Variants in DLG2 observed in about 807,000 individuals in gnomAD.
DLG2 encodes disks large homolog 2.
In DLG2, 45 loss-of-function variants were observed where a neutral mutation model predicts 132.5. The ratio of observed to expected loss-of-function variants is 0.34; its 90% CI spans 0.27 to 0.44. The LOEUF (loss-of-function observed/expected upper bound fraction) is 0.44. Ranked by LOEUF, DLG2 falls within the 20% of genes least tolerant of loss-of-function variation. The pLI is 1.00. For missense variants in DLG2, 1,045 were observed against 1,196.9 expected (o/e 0.87, Z 1.87); for synonymous variants, 424 against 419.6 (o/e 1.01, Z -0.13).
At chr11:84,257,240 A>C (rs920553444) in intron 7 of DLG2, among the ~76,000 whole-genome samples, 2 of 152,050 alleles carry the variant, frequency 1.3e-5, no homozygotes, top group African/African-American at 4.8e-5. Flanking sequence ...TCTCCATTGG[A>C]ACGAAACTCT....
In DLG2 at chr11:85,021,358, C is replaced by T. The variant is rs536735331; in HGVS notation, c.357+90303G>A. On this transcript the variant is annotated intron_variant, in intron 6 of 27. Transcript: ENST00000376104. ...AGAGCCATACATCTGTGCTGCAGAT[C>T]GTTTCACACCTGCTTTTCCTCGGTT... 1.2e-4 allele frequency: 157 copies of T among 1,306,608 alleles called. No homozygotes were observed. The South Asian group carries it at 1.2e-3, about 10-fold the overall frequency. 80.9% of individuals were successfully genotyped at this position (1,306,608 alleles called of 1,614,324 possible).
At chr11:85,470,220 T>A (rs2092938313) in intron 3 of DLG2, among the ~76,000 whole-genome samples, 2 of 151,396 alleles carry the variant, frequency 1.3e-5, no homozygotes, top group South Asian at 4.2e-4. Context: ...TGGTTTTTTT[T>A]TTTAATAAAA....
chr11:84,869,805 T>G (rs1191386374), intron 6 of DLG2, among the ~76,000 whole-genome samples: 1 of 152,210 alleles, frequency 6.6e-6, no homozygotes, highest in African/African-American at 2.4e-5. Flanking sequence ...TAGGCAGTGG[T>G]TGGTAATAAA....
intron 6 of DLG2, among the ~76,000 whole-genome samples, chr11:84,874,780 G>A (rs916432016): frequency 2.6e-5 from 4 of 152,138 alleles, no homozygotes; most frequent in African/African-American, 9.6e-5. Flanking sequence ...CAGCACTTCC[G>A]GAGGCCGAGG....
intron 3 of DLG2, among the ~76,000 whole-genome samples, chr11:85,404,334 A>C (rs1316320180): frequency 2.0e-5 from 3 of 152,038 alleles, no homozygotes; most frequent in Non-Finnish European, 2.9e-5. Flanking sequence ...ACTACTACTG[A>C]ATGGATTAAA....
At chr11:84,292,548 G>A (rs1249073376) in intron 7 of DLG2, among the ~76,000 whole-genome samples, 1 of 152,134 alleles carries the variant, frequency 6.6e-6, no homozygotes, top group Non-Finnish European at 1.5e-5. Context: ...CCCTTTGGCT[G>A]CCTACCATAG....
intron 6 of DLG2, among the ~76,000 whole-genome samples, chr11:84,886,454 C>T (rs565946721): frequency 7.2e-5 from 11 of 152,066 alleles, no homozygotes; most frequent in African/African-American, 2.4e-4. Context: ...AGGGAGATTC[C>T]ACATCCTGTG....
intron 8 of DLG2, among the ~76,000 whole-genome samples, chr11:84,247,159 ATCTC>A (rs1371366893): frequency 6.6e-6 from 1 of 152,124 alleles, no homozygotes; most frequent in East Asian, 1.9e-4. Flanking sequence ...GCATTCTAGA[ATCTC>A]TCTAATTTTA....
intron 6 of DLG2, among the ~76,000 whole-genome samples, chr11:84,938,843 G>C (rs1194124425): frequency 1.3e-5 from 2 of 151,890 alleles, no homozygotes; most frequent in East Asian, 3.9e-4. Flanking sequence ...TTTGATTATG[G>C]GAAATTTATC....
Position 83,933,767 on chromosome 11 carries a change from T to C in DLG2, c.1341-3284A>G, listed in dbSNP as rs549917258. 3.0e-3 allele frequency among the ~76,000 whole-genome samples: 452 copies of C among 152,216 alleles called. 3 individuals carry two copies. Among genetic ancestry groups the C allele is most frequent in the African/African-American group, 0.01 (426 of 41,544 alleles). The stretch of plus-strand genomic sequence containing the variant: ...TCCCTAAACAAAGCAGTTTAGACCA[T>C]TGGATTAGGATTGGGCCCCTCACCT... On this transcript the variant is annotated intron_variant, in intron 14 of 27. Transcript: ENST00000376104.
At chr11:83,692,783 A>C (rs2081209932) in intron 18 of DLG2, 1 of 152,210 alleles carries the variant, frequency 6.6e-6, no homozygotes, top group African/African-American at 2.4e-5. Context: ...CTAGAGCACA[A>C]AACTAGACTC....
intron 21 of DLG2, among the ~76,000 whole-genome samples, chr11:83,485,904 T>C (rs529508018): frequency 1.8e-4 from 27 of 152,254 alleles, no homozygotes; most frequent in African/African-American, 6.0e-4. Context: ...AGCAAAGTAG[T>C]AGAGCTCAAT....
chr11:83,870,467 T>C (rs2063222319), intron 16 of DLG2, among the ~76,000 whole-genome samples: 1 of 152,190 alleles, frequency 6.6e-6, no homozygotes, highest in Non-Finnish European at 1.5e-5. Context: ...CTGAATAGTA[T>C]TCCATTGTGT....
At chr11:85,037,619 AAAACGT>A (rs56979957) in intron 6 of DLG2, among the ~76,000 whole-genome samples, 13,371 of 152,152 alleles carry the variant, frequency 0.088, 719 homozygotes, top group South Asian at 0.19. Context: ...GTGTTATCTT[AAAACGT>A]AAACCCTCTC....
intron 3 of DLG2, among the ~76,000 whole-genome samples, chr11:85,566,986 G>A (rs2077565970): frequency 6.6e-6 from 1 of 152,116 alleles, no homozygotes; most frequent in Non-Finnish European, 1.5e-5. Context: ...GACCACACAT[G>A]TATGGTTTTA....
At chr11:83,871,145 G>C (rs2063366442) in intron 16 of DLG2, among the ~76,000 whole-genome samples, 1 of 152,154 alleles carries the variant, frequency 6.6e-6, no homozygotes, top group South Asian at 2.1e-4. Context: ...TATCCCATTA[G>C]CTTCCTTTTA....
At chr11:84,849,873 G>C (rs1441666307) in intron 6 of DLG2, among the ~76,000 whole-genome samples, 1 of 151,976 alleles carries the variant, frequency 6.6e-6, no homozygotes, top group Non-Finnish European at 1.5e-5. Context: ...GACAGGTTTT[G>C]GCATGTAGTT....
chr11:84,641,976 T>C (rs1184204192), intron 6 of DLG2, among the ~76,000 whole-genome samples: 5 of 148,372 alleles, frequency 3.4e-5, no homozygotes, highest in African/African-American at 1.2e-4. Context: ...TATATATGTA[T>C]GCATGTGTGT....
chr11:85,210,044 A>C (rs998041507), intron 4 of DLG2, among the ~76,000 whole-genome samples: 1 of 151,898 alleles, frequency 6.6e-6, no homozygotes, highest in African/African-American at 2.4e-5. Flanking sequence ...CTTTCTGCCC[A>C]CTCACCATTT....
Sources: gnomAD v4.1 joint callset for allele counts (sites outside exome capture counted in the v4.1 genomes callset) on GRCh38, gnomAD v4.1.1 for gene constraint, MANE v1.5 for transcripts, NCBI Gene and HGNC (gene_info 2026-07-23, HGNC 2026-07-21) for gene names.